The following FOCAD variants were observed in gnomAD, a reference collection of about 807,000 sequenced individuals.
FOCAD encodes KIAA1797.
A neutral mutation model predicts 225.6 loss-of-function variants in FOCAD; 198 were observed. The ratio of observed to expected loss-of-function variants is 0.88; its 90% confidence interval spans 0.78 to 0.99. The LOEUF is 0.99. Ranked by LOEUF, FOCAD falls within the 50% of genes least tolerant of loss-of-function variation. The probability of loss-of-function intolerance (pLI) is 0.00; values close to 1 mark genes in which losing one functional copy is unlikely to be tolerated. For synonymous variants in FOCAD, 897 were observed against 755.0 expected (o/e 1.19, Z -3.08); for missense variants, 2,713 against 2,123.6 (o/e 1.28, Z -5.46).
intron 15 of FOCAD, among the ~76,000 whole-genome samples, chr9:20,859,421 T>C (rs529410408): frequency 2.6e-5 from 4 of 151,142 alleles, no homozygotes; most frequent in Non-Finnish European, 5.9e-5. Flanking sequence ...TTATTCTCAA[T>C]TGTTCCTTTG....
intron 1 of FOCAD, among the ~76,000 whole-genome samples, chr9:20,685,667 G>T (rs1822620383): frequency 6.6e-6 from 1 of 152,164 alleles, no homozygotes; most frequent in South Asian, 2.1e-4. Flanking sequence ...TGCTTTTATA[G>T]ATTAGTGGAA....
intron 15 of FOCAD, among the ~76,000 whole-genome samples, chr9:20,848,166 G>T (rs1176812661): frequency 1.0e-5 from 1 of 96,056 alleles, no homozygotes; most frequent in Non-Finnish European, 2.2e-5. Flanking sequence ...AGAGATACAG[G>T]AGAAACAGTC....
intron 35 of FOCAD, among the ~76,000 whole-genome samples, chr9:20,966,816 A>T (rs148881984): frequency 6.6e-6 from 1 of 152,078 alleles, no homozygotes; most frequent in South Asian, 2.1e-4. Context: ...TCAAAAATCA[A>T]TTGGGTATAA....
intron 20 of FOCAD, 81 bp downstream of exon 20, chr9:20,882,137 C>T (rs1318234568): frequency 7.9e-7 from 1 of 1,263,636 alleles, no homozygotes; most frequent in Non-Finnish European, 1.1e-6. Context: ...ATATAATGGG[C>T]CATGGCAGGG....
At chr9:20,693,019 A>T (rs998429686) in intron 1 of FOCAD, among the ~76,000 whole-genome samples, 1 of 152,182 alleles carries the variant, frequency 6.6e-6, no homozygotes, top group African/African-American at 2.4e-5. Context: ...GAGTGATTTT[A>T]TAAAAACGTG....
rs78542038 is a variant in FOCAD, at chr9:20,747,271, T to A, written c.392+6931T>A. Among the ~76,000 whole-genome samples, 65 of 152,242 alleles carry A rather than the reference T, an allele frequency of 4.3e-4. No homozygotes were observed. The East Asian group carries it at 0.013, about 29-fold the overall frequency. On this transcript the variant is annotated intron_variant, in intron 5 of 43. Transcript: ENST00000338382. ...ACTATTAAGCTATCAATCAAGGATATTAAGGAGATATATCAGATTCTGATT... is the reference window on the plus strand; with the variant it reads ...ACTATTAAGCTATCAATCAAGGATAATAAGGAGATATATCAGATTCTGATT...
chr9:20,751,158 T>A (rs1016274212), intron 5 of FOCAD, among the ~76,000 whole-genome samples: 1 of 151,918 alleles, frequency 6.6e-6, no homozygotes, highest in Non-Finnish European at 1.5e-5. Flanking sequence ...ACTTCCATTT[T>A]TTTTTTTAAT....
intron 1 of FOCAD, among the ~76,000 whole-genome samples, chr9:20,710,039 T>G (rs75576468): frequency 2.4e-3 from 372 of 152,242 alleles, no homozygotes; most frequent in Middle Eastern, 0.017. Context: ...ATTACAGCAT[T>G]CTGGGCCTGG....
intron 7 of FOCAD, 141 bp downstream of exon 7, chr9:20,765,214 G>C: frequency 1.5e-6 from 1 of 647,912 alleles, no homozygotes; most frequent in Non-Finnish European, 2.5e-6. Context: ...CAATCTTTTG[G>C]GGAAGATGAA....
At chr9:20,841,192 A>C (rs891338875) in intron 15 of FOCAD, among the ~76,000 whole-genome samples, 1 of 151,834 alleles carries the variant, frequency 6.6e-6, no homozygotes, top group Non-Finnish European at 1.5e-5. Flanking sequence ...TTTTTTAAGA[A>C]AATTGTTTAT....
intron 15 of FOCAD, among the ~76,000 whole-genome samples, chr9:20,832,562 TTTAAG>T (rs1159663118): frequency 6.6e-6 from 1 of 152,052 alleles, no homozygotes; most frequent in East Asian, 1.9e-4. Flanking sequence ...AATTACACTC[TTTAAG>T]TTATTTTAAA....
intron 1 of FOCAD, among the ~76,000 whole-genome samples, chr9:20,691,524 C>T (rs1317474441): frequency 6.6e-6 from 1 of 152,008 alleles, no homozygotes; most frequent in Non-Finnish European, 1.5e-5. Flanking sequence ...CTCTGTCCCC[C>T]AGGCTAGAGT....
intron 31 of FOCAD, 115 bp from the exon 32 acceptor site, chr9:20,948,736 C>A: frequency 2.7e-6 from 3 of 1,097,728 alleles, no homozygotes; most frequent in Admixed American, 2.0e-5. Context: ...GTTACGTTGA[C>A]CCTATAAGTT....
intron 35 of FOCAD, among the ~76,000 whole-genome samples, chr9:20,956,912 T>A (rs1433928775): frequency 6.6e-6 from 1 of 152,230 alleles, no homozygotes; most frequent in Non-Finnish European, 1.5e-5. Context: ...CAGGCTGGTC[T>A]TGAACTCCCG....
intron 15 of FOCAD, among the ~76,000 whole-genome samples, chr9:20,829,414 T>A (rs1232064895): frequency 7.4e-6 from 1 of 135,078 alleles, no homozygotes; most frequent in Non-Finnish European, 1.6e-5. Flanking sequence ...CTTTTTATTA[T>A]CTGTTTTTTT....
At chr9:20,766,059 A>G (rs888478779) in intron 7 of FOCAD, among the ~76,000 whole-genome samples, 4 of 152,214 alleles carry the variant, frequency 2.6e-5, no homozygotes, top group Non-Finnish European at 5.9e-5. Flanking sequence ...TGTGTGGGCA[A>G]TAAAGCAATG....
chr9:20,766,806 C>G (rs1830087100), intron 7 of FOCAD, among the ~76,000 whole-genome samples: 1 of 151,972 alleles, frequency 6.6e-6, no homozygotes, highest in Non-Finnish European at 1.5e-5. Context: ...TTAGAGATGA[C>G]TACAATGCTG....
At chr9:20,845,442 G>GAGAGATATATATATATATAT (rs368497237) in intron 15 of FOCAD, among the ~76,000 whole-genome samples, 2 of 121,236 alleles carry the variant, frequency 1.6e-5, no homozygotes, top group African/African-American at 3.2e-5. Context: ...TCTTTTCCTC[G>GAGAGATATATATATATATAT]ATATATATAT....
At chr9:20,685,647 C>A (rs983260452) in intron 1 of FOCAD, among the ~76,000 whole-genome samples, 2 of 152,140 alleles carry the variant, frequency 1.3e-5, no homozygotes, top group African/African-American at 4.8e-5. Context: ...ATTTTCAAAG[C>A]ATTTTCACTT....
Sources: allele counts gnomAD v4.1 joint callset (sites outside exome capture counted in the v4.1 genomes callset), GRCh38; gene constraint gnomAD v4.1.1; transcripts MANE v1.5; gene names NCBI Gene and HGNC (gene_info 2026-07-23, HGNC 2026-07-21).